The following PRDM2 variants were observed in gnomAD, a reference collection of about 807,000 sequenced individuals.
PRDM2 encodes the protein PR domain zinc finger protein 2.
A neutral mutation model predicts 130.0 loss-of-function variants in PRDM2; 30 were observed. The observed-to-expected ratio is 0.23, with a 90% CI of 0.17 to 0.31. PRDM2 has a LOEUF of 0.31. PRDM2 is among the 10% of genes least tolerant of loss of function. The pLI is 1.00. For synonymous variants in PRDM2, 871 were observed against 782.4 expected, an observed-to-expected ratio of 1.11 and a Z score of -1.89; for missense variants, 2,011 against 2,108.4, an observed-to-expected ratio of 0.95 and a Z score of 0.90.
intron 2 of PRDM2, among the ~76,000 whole-genome samples, chr1:13,723,629 G>A (rs1212642385): frequency 6.6e-6 from 1 of 152,146 alleles, no homozygotes; most frequent in East Asian, 1.9e-4. Context: ...TTCTAGGACT[G>A]GGACTCATTT....
At position 13,806,365 on chromosome 1, in the gene PRDM2, C is replaced by T. The variant is rs142873672; in HGVS notation, c.5037-10062C>T. 2.9e-3 allele frequency among the ~76,000 whole-genome samples: 434 copies of T among 152,254 alleles called. 1 individual carries two copies. Among genetic ancestry groups the T allele is most frequent in the African/African-American group, 1.0e-2 (414 of 41,528 alleles). On this transcript the variant is annotated intron_variant, in intron 8 of 9. Coordinates refer to ENST00000311066, the MANE Select transcript of PRDM2 (RefSeq NM_001393986.1). This position sits in a 1 kb window ranked among gnomAD's most constrained non-coding sequence, Gnocchi z 4.1. ...GCGTTAAATACCACCTGGATGCTGA[C>T]CAATCCCGGGTTTCCACCCTCATCA...
chr1:13,748,143 C>G (rs1387551099), intron 5 of PRDM2, among the ~76,000 whole-genome samples: 1 of 152,178 alleles, frequency 6.6e-6, no homozygotes, highest in African/African-American at 2.4e-5. Context: ...GCTCTGTTTT[C>G]TGTGCATCGT....
At position 13,731,739 on chromosome 1, in the gene PRDM2, T is replaced by C. The variant is rs1643118012; in HGVS notation, c.127+622T>C. Among the ~76,000 whole-genome samples the C allele has an allele frequency of 2.0e-5, 3 of 152,220 alleles. 1 individual carries two copies. The highest frequency in any genetic ancestry group is 4.1e-4 in the South Asian group (2 of 4,836). On this transcript the variant is annotated intron_variant, in intron 3 of 9. Coordinates refer to ENST00000311066, the MANE Select transcript of PRDM2 (RefSeq NM_001393986.1). Reference sequence around the variant, plus strand: ...GCTAAGGAAGTAAATTGTAAAACTTTAGTCAAAATACAGTCTTGGAATATA... The same window carrying C: ...GCTAAGGAAGTAAATTGTAAAACTTCAGTCAAAATACAGTCTTGGAATATA...
intron 8 of PRDM2, 35 bp downstream of exon 8, chr1:13,782,866 G>C (rs1481736453): frequency 1.0e-5 from 16 of 1,605,006 alleles, no homozygotes; most frequent in Non-Finnish European, 1.3e-5. Context: ...GAAAGACCGG[G>C]AAGGCGACAG....
intron 6 of PRDM2, among the ~76,000 whole-genome samples, chr1:13,756,968 ATCCAGT>A (rs1643971243): frequency 2.0e-5 from 3 of 152,216 alleles, no homozygotes; most frequent in Admixed American, 6.5e-5. Flanking sequence ...GTCTGTCTAA[ATCCAGT>A]TTTTATGCAT....
At chr1:13,799,432 C>T (rs1346057141) in intron 8 of PRDM2, among the ~76,000 whole-genome samples, 3 of 143,366 alleles carry the variant, frequency 2.1e-5, no homozygotes, top group South Asian at 2.2e-4. Context: ...GCAACAAGAG[C>T]GAAACTCCAT....
intron 4 of PRDM2, among the ~76,000 whole-genome samples, chr1:13,740,946 AG>A (rs1025148030): frequency 1.3e-4 from 20 of 152,200 alleles, no homozygotes; most frequent in Admixed American, 1.3e-3. Flanking sequence ...TGGGTACGGG[AG>A]GGAAGAAGGC....
intron 1 of PRDM2, among the ~76,000 whole-genome samples, chr1:13,707,724 C>T (rs1371173227): frequency 1.3e-5 from 2 of 151,792 alleles, no homozygotes; most frequent in African/African-American, 4.8e-5. Context: ...TATTTCTTGG[C>T]AATTAGTCTT....
chr1:13,802,242 G>T (rs545959847), intron 8 of PRDM2, among the ~76,000 whole-genome samples: 4 of 152,162 alleles, frequency 2.6e-5, no homozygotes, highest in Non-Finnish European at 5.9e-5. Context: ...CCAAGTGAGC[G>T]TGCCTTTCCC....
intron 1 of PRDM2, among the ~76,000 whole-genome samples, chr1:13,712,814 C>T (rs574079867): frequency 3.3e-5 from 5 of 152,280 alleles, no homozygotes; most frequent in African/African-American, 4.8e-5. Flanking sequence ...TCCGTCTGTC[C>T]GTCCAGGATC....
At chr1:13,727,892 G>A (rs1642974828) in intron 2 of PRDM2, among the ~76,000 whole-genome samples, 1 of 152,142 alleles carries the variant, frequency 6.6e-6, no homozygotes. Context: ...ATCCTGTCAG[G>A]ATATGTACCA....
chr1:13,822,136 T>C (rs762264601), intron 9 of PRDM2, among the ~76,000 whole-genome samples: 22 of 152,142 alleles, frequency 1.4e-4, no homozygotes, highest in Non-Finnish European at 2.6e-4. Context: ...GACCCAGCAG[T>C]CCCACTGCAG....
At chr1:13,728,809 C>T (rs1293545713) in intron 2 of PRDM2, among the ~76,000 whole-genome samples, 1 of 152,018 alleles carries the variant, frequency 6.6e-6, no homozygotes, top group African/African-American at 2.4e-5. Context: ...TGCTGAGGTC[C>T]TTCATGTTCT....
intron 6 of PRDM2, among the ~76,000 whole-genome samples, chr1:13,763,234 A>G (rs114100510): frequency 0.015 from 2,229 of 152,332 alleles, 26 homozygotes; most frequent in South Asian, 0.036. Context: ...TTAAATAATG[A>G]TGGGTATAAG....
intron 8 of PRDM2, among the ~76,000 whole-genome samples, chr1:13,785,044 C>T (rs1644705257): frequency 6.6e-6 from 1 of 152,198 alleles, no homozygotes; most frequent in African/African-American, 2.4e-5. Flanking sequence ...GAGTTTAGCA[C>T]AAAACTGGGA....
chr1:13,786,436 T>G (rs1489385213), intron 8 of PRDM2: 1 of 1,552,636 alleles, frequency 6.4e-7, no homozygotes, highest in Non-Finnish European at 8.8e-7. Flanking sequence ...TTACGGTCTA[T>G]TCACCTTTTT....
intron 1 of PRDM2, among the ~76,000 whole-genome samples, chr1:13,706,161 T>A (rs1386665541): frequency 2.0e-5 from 3 of 152,160 alleles, no homozygotes; most frequent in African/African-American, 7.2e-5. Flanking sequence ...TAGCTAACAT[T>A]CTGCCCATTC....
chr1:13,750,587 T>C (rs1643798390), intron 6 of PRDM2, among the ~76,000 whole-genome samples: 1 of 152,190 alleles, frequency 6.6e-6, no homozygotes, highest in South Asian at 2.1e-4. Flanking sequence ...AAGTCTGTTC[T>C]GATTTTTCAA....
At chr1:13,708,569 C>G (rs913411883) in intron 1 of PRDM2, among the ~76,000 whole-genome samples, 1 of 152,130 alleles carries the variant, frequency 6.6e-6, no homozygotes, top group Non-Finnish European at 1.5e-5. Flanking sequence ...TTTCTCTGCT[C>G]TATGCATTCG....
Sources: gnomAD v4.1 joint callset for allele counts (sites outside exome capture counted in the v4.1 genomes callset) on GRCh38, gnomAD v4.1.1 for gene constraint, Gnocchi (gnomAD v3.1) non-coding constraint, MANE v1.5 for transcripts, NCBI Gene and HGNC (gene_info 2026-07-23, HGNC 2026-07-21) for gene names.